Variants in PRKN observed in about 807,000 individuals in gnomAD.
PRKN encodes the protein parkin RBR E3 ubiquitin protein ligase, also known as E3 ubiquitin-protein ligase parkin.
A neutral mutation model predicts 59.5 loss-of-function variants in PRKN; 56 were observed. The observed-to-expected ratio is 0.94, with a 90% confidence interval of 0.76 to 1.18. The LOEUF (loss-of-function observed/expected upper bound fraction) is 1.18, where lower values mean the gene tolerates loss of function less well. Ranked by LOEUF, PRKN falls within the 50% of genes most tolerant of loss-of-function variation. The probability of loss-of-function intolerance (pLI) is 0.00; values close to 1 mark genes in which losing one functional copy is unlikely to be tolerated. For synonymous variants in PRKN, 250 were observed against 222.1 expected, an observed-to-expected ratio of 1.13 and a Z score of -1.12; for missense variants, 657 against 596.4, an observed-to-expected ratio of 1.10 and a Z score of -1.06.
chr6:161,742,124 C>T (rs1788216404), intron 7 of PRKN, among the ~76,000 whole-genome samples: 2 of 152,134 alleles, frequency 1.3e-5, no homozygotes, highest in Admixed American at 6.5e-5. Flanking sequence ...CGTGCACCAC[C>T]ATTCCCAGCT....
intron 1 of PRKN, among the ~76,000 whole-genome samples, chr6:162,515,585 T>C (rs2128191812): frequency 6.6e-6 from 1 of 152,318 alleles, no homozygotes; most frequent in African/African-American, 2.4e-5. Flanking sequence ...TAAGTATTGG[T>C]AAAACTAATT....
intron 6 of PRKN, among the ~76,000 whole-genome samples, chr6:161,961,439 A>G (rs1780372878): frequency 1.3e-5 from 2 of 152,184 alleles, no homozygotes; most frequent in African/African-American, 4.8e-5. Flanking sequence ...CTGCTCAAAC[A>G]CATAGCAAAT....
intron 7 of PRKN, among the ~76,000 whole-genome samples, chr6:161,746,691 GGT>G (rs1788434088): frequency 7.2e-6 from 1 of 139,364 alleles, no homozygotes; most frequent in African/African-American, 2.7e-5. Context: ...TATCTATATA[GGT>G]ATATGTATAT....
rs531251709 is a variant in PRKN at position 161,912,523 on chromosome 6, C to T, written c.734+60779G>A. Among the ~76,000 whole-genome samples, 8 of 151,850 alleles carry T rather than the reference C, an allele frequency of 5.3e-5. No homozygotes were observed. The East Asian group carries it at 9.8e-4, about 19-fold the overall frequency. ...GGAGTGCTGGTAGGTCCTGCATTTG[C>T]ACTCCTGGACACCCCTGAACTAAGA... On this transcript the variant is annotated intron_variant, in intron 6 of 11. Transcript: ENST00000366898.
chr6:162,295,835 A>G (rs1248060420), intron 2 of PRKN, among the ~76,000 whole-genome samples: 1 of 152,154 alleles, frequency 6.6e-6, no homozygotes, highest in Non-Finnish European at 1.5e-5. Flanking sequence ...CAGAATCTGA[A>G]ATTCAGGAGA....
chr6:161,645,918 C>T (rs1468656633), intron 7 of PRKN, among the ~76,000 whole-genome samples: 1 of 150,790 alleles, frequency 6.6e-6, no homozygotes, highest in Admixed American at 6.6e-5. Flanking sequence ...GTATCAGTGA[C>T]AGTGGTGACT....
intron 1 of PRKN, among the ~76,000 whole-genome samples, chr6:162,512,476 G>A (rs1027781304): frequency 6.6e-6 from 1 of 152,168 alleles, no homozygotes; most frequent in Non-Finnish European, 1.5e-5. Context: ...CAACAAGGGA[G>A]AATTCCCCTT....
chr6:161,615,802 C>T (rs993342341), intron 7 of PRKN, among the ~76,000 whole-genome samples: 3 of 152,264 alleles, frequency 2.0e-5, no homozygotes, highest in Non-Finnish European at 2.9e-5. Context: ...CAACGTGGAC[C>T]TGACTATGAA....
intron 1 of PRKN, among the ~76,000 whole-genome samples, chr6:162,495,634 C>T (rs536165111): frequency 2.3e-4 from 35 of 152,334 alleles, no homozygotes; most frequent in Non-Finnish European, 4.4e-4. Context: ...TCATCTTGGT[C>T]CTCAGAGCCA....
chr6:161,489,094 T>C (rs1033277584), intron 9 of PRKN, among the ~76,000 whole-genome samples: 3 of 152,216 alleles, frequency 2.0e-5, no homozygotes, highest in African/African-American at 7.2e-5. Context: ...AAACCAGTTT[T>C]GGCATACTGA....
At chr6:162,284,539 A>G (rs1471711298) in intron 2 of PRKN, among the ~76,000 whole-genome samples, 1 of 152,058 alleles carries the variant, frequency 6.6e-6, no homozygotes, top group Non-Finnish European at 1.5e-5. Context: ...GTGTTATTTC[A>G]TCTCACATCT....
Position 161,545,173 on chromosome 6 carries a change from C to T in PRKN, c.1083+3681G>A, listed in dbSNP as rs1335013990. On this transcript the variant is annotated intron_variant, in intron 9 of 11. Coordinates refer to ENST00000366898, the MANE Select transcript of PRKN (RefSeq NM_004562.3). The surrounding 1 kb of genome is among the most constrained non-coding windows in gnomAD (Gnocchi z 4.1). ...GTAACAGCTAACATTTCTTGCATAC[C>T]CACATGGTAAGAGTTGTACTTTTTC... 26 of 1,322,098 alleles carry T rather than the reference C, an allele frequency of 2.0e-5. No individual in the cohort carries two copies. The highest frequency in any genetic ancestry group is 7.0e-5 in the South Asian group (3 of 42,980). 81.9% of individuals were successfully genotyped at this position (1,322,098 alleles called of 1,614,324 possible). A position where few individuals can be genotyped will look rare whatever the true frequency, so the allele number is the denominator to read the frequency against.
At chr6:162,411,154 G>A (rs1433552384) in intron 2 of PRKN, among the ~76,000 whole-genome samples, 2 of 152,136 alleles carry the variant, frequency 1.3e-5, no homozygotes, top group African/African-American at 4.8e-5. Flanking sequence ...TTACGTTGCA[G>A]GGATGTTTTA....
rs555085621 is a variant in PRKN, at chr6:161,402,813, A to T, written c.1084-15936T>A. Among the ~76,000 whole-genome samples the T allele has an allele frequency of 2.0e-5, 3 of 152,100 alleles. No individual in the cohort carries two copies. The highest frequency in any genetic ancestry group is 2.9e-5 in the Non-Finnish European group (2 of 68,014). Reference sequence around the variant, plus strand: ...GAATAAAGGTTGTCTTATTATGTAGATAAACAATCTCTCAGGTAATAAAAG... The same window carrying T: ...GAATAAAGGTTGTCTTATTATGTAGTTAAACAATCTCTCAGGTAATAAAAG... On this transcript the variant is annotated intron_variant, in intron 9 of 11. Coordinates refer to ENST00000366898, the MANE Select transcript of PRKN (RefSeq NM_004562.3). This position sits in a 1 kb window ranked among gnomAD's most constrained non-coding sequence, Gnocchi z 4.5.
Position 162,644,132 on chromosome 6 carries a change from A to G in PRKN, c.7+83530T>C, listed in dbSNP as rs559625382. 1.4e-4 allele frequency among the ~76,000 whole-genome samples: 21 copies of G among 152,216 alleles called. No individual in the cohort carries two copies. The South Asian group carries it at 4.1e-3, about 30-fold the overall frequency. On this transcript the variant is annotated intron_variant, in intron 1 of 11. Transcript: ENST00000366898. ...TTCAGTCTTTTGGCAATGGAGATGC[A>G]CAAGTTGCCTGGAATCATAAAAGGC...
At chr6:162,225,741 C>G (rs1245472545) in intron 3 of PRKN, among the ~76,000 whole-genome samples, 1 of 151,940 alleles carries the variant, frequency 6.6e-6, no homozygotes, top group East Asian at 1.9e-4. Context: ...ACAAAATTGA[C>G]AGTAGATGTA....
chr6:162,174,242 A>G (rs1783428890), intron 4 of PRKN, among the ~76,000 whole-genome samples: 1 of 152,202 alleles, frequency 6.6e-6, no homozygotes, highest in Admixed American at 6.5e-5. Context: ...ACTTACACAT[A>G]TAGAAAATTT....
chr6:161,640,361 C>T (rs1783693877), intron 7 of PRKN, among the ~76,000 whole-genome samples: 1 of 152,022 alleles, frequency 6.6e-6, no homozygotes, highest in Admixed American at 6.5e-5. Context: ...CTTTATGGAG[C>T]ATTTTAGTTT....
At chr6:162,138,187 C>T (rs550464835) in intron 4 of PRKN, among the ~76,000 whole-genome samples, 12 of 152,168 alleles carry the variant, frequency 7.9e-5, no homozygotes, top group African/African-American at 2.9e-4. Context: ...TATTATTTTT[C>T]CGTACATGCA....
Sources: allele counts gnomAD v4.1 joint callset (sites outside exome capture counted in the v4.1 genomes callset), GRCh38; gene constraint gnomAD v4.1.1; non-coding constraint Gnocchi (gnomAD v3.1); transcripts MANE v1.5; gene names NCBI Gene and HGNC (gene_info 2026-07-23, HGNC 2026-07-21).